Variants in SMIM14 observed in about 807,000 individuals in gnomAD.
SMIM14 encodes the protein chromosome 4 open reading frame 34.
A neutral mutation model predicts 12.6 loss-of-function variants in SMIM14; 5 were observed. The ratio of observed to expected loss-of-function variants is 0.40; its 90% CI spans 0.21 to 0.83. The LOEUF is 0.83. Among genes scored for constraint, SMIM14 ranks in the 40% least tolerant of loss-of-function variants. The pLI, the probability that SMIM14 is intolerant of heterozygous loss-of-function variation, is 0.37. For missense variants in SMIM14, 86 were observed against 119.1 expected (o/e 0.72, Z 1.29); for synonymous variants, 30 against 40.1 (o/e 0.75, Z 0.95).
chr4:39,586,439 TTGCCTTTTCTCCATTGTCCAGTAACGTTC>T (rs1338261348), intron 2 of SMIM14, among the ~76,000 whole-genome samples: 4 of 152,034 alleles, frequency 2.6e-5, no homozygotes, highest in African/African-American at 9.7e-5. Flanking sequence ...GTAACAAAGA[TTGCCTTTTCTCCATTGTCCAGTAACGTTC>T]TTCATTTCTA....
intron 2 of SMIM14, among the ~76,000 whole-genome samples, chr4:39,586,261 T>C (rs1019557072): frequency 6.6e-6 from 1 of 152,088 alleles, no homozygotes; most frequent in African/African-American, 2.4e-5. Context: ...TTGGCTTCCC[T>C]CTTTTCAATT....
intron 2 of SMIM14, among the ~76,000 whole-genome samples, chr4:39,596,285 T>C (rs926252912): frequency 2.6e-5 from 4 of 152,068 alleles, no homozygotes; most frequent in South Asian, 4.1e-4. Context: ...AGTAGAGACA[T>C]GGTTTCTCCA....
intron 2 of SMIM14, among the ~76,000 whole-genome samples, chr4:39,596,337 C>T (rs998325941): frequency 2.6e-5 from 4 of 152,168 alleles, no homozygotes; most frequent in African/African-American, 9.7e-5. Context: ...TCAGGTGATC[C>T]ACTTGCCTCG....
intron 2 of SMIM14, among the ~76,000 whole-genome samples, chr4:39,573,270 G>A (rs911484733): frequency 1.3e-5 from 2 of 151,808 alleles, no homozygotes; most frequent in Non-Finnish European, 2.9e-5. Context: ...TAGTTTTTTT[G>A]TATTTTCAGT....
intron 2 of SMIM14, among the ~76,000 whole-genome samples, chr4:39,580,208 T>C (rs1713426870): frequency 6.6e-6 from 1 of 151,202 alleles, no homozygotes; most frequent in Non-Finnish European, 1.5e-5. Flanking sequence ...TGAGACAGGG[T>C]TTCACTCTGT....
chr4:39,605,255 A>G, intron 1 of SMIM14, 75 bp from the exon 2 acceptor site: 1 of 747,012 alleles, frequency 1.3e-6, no homozygotes, highest in African/African-American at 1.8e-5. Flanking sequence ...AAAAATTCTG[A>G]TATTGATTAC....
In SMIM14 at chr4:39,630,473, C is replaced by T. The variant is rs143534430; in HGVS notation, c.-36+8266G>A. Among the ~76,000 whole-genome samples, 25 of 152,296 alleles carry T rather than the reference C, an allele frequency of 1.6e-4. No individual in the cohort carries two copies. The East Asian group carries it at 4.8e-3, about 29-fold the overall frequency. On this transcript the variant is annotated intron_variant, in intron 1 of 4. Transcript: ENST00000295958. ...AAACTAAGTAACTCACAGCCTCTTT[C>T]TTCCATATCATAGCTGAGATGACAT...
chr4:39,553,876 G>C (rs998002714), intron 4 of SMIM14, among the ~76,000 whole-genome samples: 3 of 152,094 alleles, frequency 2.0e-5, no homozygotes, highest in Admixed American at 2.0e-4. Flanking sequence ...TTACAGGTGA[G>C]AGCCACCGCG....
intron 2 of SMIM14, among the ~76,000 whole-genome samples, chr4:39,581,697 G>A (rs1713507503): frequency 6.7e-6 from 1 of 148,826 alleles, no homozygotes. Context: ...GGAGTAGCTC[G>A]AACCTCAGGC....
Position 39,577,218 on chromosome 4 carries a change from A to G in SMIM14, c.76-4755T>C, listed in dbSNP as rs566551727. Among the ~76,000 whole-genome samples, 5 of 151,950 alleles carry G rather than the reference A, an allele frequency of 3.3e-5. No homozygotes were observed. In the South Asian group the frequency reaches 1.0e-3, roughly 32 times the overall value. ...TCCCTTTGATGCTAAGTAATGTACA[A>G]TTTTTCCTGCTATATGAGTATCTAT... is the stretch of plus-strand genomic sequence containing the variant. On this transcript the variant is annotated intron_variant, in intron 2 of 4. Coordinates refer to ENST00000295958, the MANE Select transcript of SMIM14 (RefSeq NM_174921.3).
intron 1 of SMIM14, among the ~76,000 whole-genome samples, chr4:39,629,165 A>T (rs771982955): frequency 1.3e-5 from 2 of 151,854 alleles, no homozygotes. Flanking sequence ...GTTCGAGACC[A>T]GCCCGGCTAA....
At chr4:39,582,712 C>T (rs1204379545) in intron 2 of SMIM14, among the ~76,000 whole-genome samples, 1 of 151,700 alleles carries the variant, frequency 6.6e-6, no homozygotes, top group Non-Finnish European at 1.5e-5. Flanking sequence ...CTATATATTC[C>T]AGTTGTACTG....
chr4:39,602,246 CA>C (rs11300312), intron 2 of SMIM14, among the ~76,000 whole-genome samples: 38,579 of 122,096 alleles, frequency 0.32, 5,442 homozygotes, highest in Middle Eastern at 0.4. Context: ...AGTCATGTCT[CA>C]AAAAAAAAAA....
chr4:39,578,375 A>T (rs1713310087), intron 2 of SMIM14, among the ~76,000 whole-genome samples: 1 of 152,132 alleles, frequency 6.6e-6, no homozygotes, highest in South Asian at 2.1e-4. Context: ...ATGTATCTCA[A>T]TTTTCTCTTG....
intron 2 of SMIM14, among the ~76,000 whole-genome samples, chr4:39,581,518 C>CTTTTTTTTTTTTTTTTTTTTTT (rs1432369898): frequency 2.3e-5 from 3 of 132,080 alleles, no homozygotes; most frequent in Admixed American, 8.6e-5. Flanking sequence ...TTTTCTTTTT[C>CTTTTTTTTTTTTTTTTTTTTTT]TTTTTTTTTT....
intron 3 of SMIM14, among the ~76,000 whole-genome samples, chr4:39,572,032 G>A (rs1045951561): frequency 2.0e-5 from 3 of 151,770 alleles, no homozygotes; most frequent in South Asian, 2.1e-4. Context: ...TCAAACTCCT[G>A]GACTCAAACG....
chr4:39,578,775 C>T (rs1022715219), intron 2 of SMIM14, among the ~76,000 whole-genome samples: 2 of 151,996 alleles, frequency 1.3e-5, no homozygotes, highest in Non-Finnish European at 2.9e-5. Context: ...GCAGGTGGAT[C>T]GCCTGAGGTC....
intron 2 of SMIM14, among the ~76,000 whole-genome samples, chr4:39,601,947 TA>T (rs976663747): frequency 4.3e-5 from 6 of 140,428 alleles, no homozygotes; most frequent in African/African-American, 1.6e-4. Context: ...GACCCTATCT[TA>T]AAAAAAAAAA....
chr4:39,551,247 AAAG>A lies in SMIM14; in HGVS notation c.*876_*878del. Reference sequence around the variant, plus strand: ...TTTAACAGGGAACTGTTAGAACAGAAAAGAAGCTTCCCAAGAGGCACTCATTTT... The same window carrying A: ...TTTAACAGGGAACTGTTAGAACAGAAAAGCTTCCCAAGAGGCACTCATTTT... On this transcript the variant is annotated 3_prime_UTR_variant, in exon 5 of 5. Coordinates refer to ENST00000295958, the MANE Select transcript of SMIM14 (RefSeq NM_174921.3). The A allele has an allele frequency of 6.6e-6, 1 of 152,380 alleles. No homozygotes were observed. Among genetic ancestry groups the A allele is most frequent in the Non-Finnish European group, 1.5e-5 (1 of 68,038 alleles). 9.4% of individuals were successfully genotyped at this position (152,380 alleles called of 1,614,324 possible).
Sources: allele counts gnomAD v4.1 joint callset (sites outside exome capture counted in the v4.1 genomes callset), GRCh38; gene constraint gnomAD v4.1.1; transcripts MANE v1.5; gene names NCBI Gene and HGNC (gene_info 2026-07-23, HGNC 2026-07-21).